CREB5: variants seen among roughly 807,000 people sequenced by gnomAD.
The protein encoded by CREB5 is cyclic AMP-responsive element-binding protein 5.
Under a neutral mutation model 57.1 loss-of-function variants are expected in CREB5, and 19 were observed. That is an observed-to-expected ratio of 0.33 (90% CI 0.23 to 0.49). The LOEUF is 0.49. CREB5 is among the 20% of genes least tolerant of loss of function. CREB5 has a pLI of 0.99. For missense variants in CREB5, 579 were observed against 671.6 expected (o/e 0.86, Z 1.52); for synonymous variants, 238 against 238.3 (o/e 1.00, Z 0.01).
At chr7:28,658,969 A>ATATATATATATATATATATG (rs1799471341) in intron 5 of CREB5, among the ~76,000 whole-genome samples, 1 of 140,650 alleles carries the variant, frequency 7.1e-6, no homozygotes, top group Non-Finnish European at 1.6e-5. Flanking sequence ...ATATATATAT[A>ATATATATATATATATATATG]TATATATATA....
chr7:28,320,455 G>T (rs573795752), intron 1 of CREB5, among the ~76,000 whole-genome samples: 3 of 152,190 alleles, frequency 2.0e-5, no homozygotes, highest in Non-Finnish European at 4.4e-5. Context: ...CATGGACCAC[G>T]TAGGAGCCTA....
At chr7:28,567,636 G>A (rs1346521460) in intron 4 of CREB5, among the ~76,000 whole-genome samples, 3 of 152,220 alleles carry the variant, frequency 2.0e-5, no homozygotes, top group African/African-American at 4.8e-5. Flanking sequence ...CATCACTTCG[G>A]TGAGTGTGGG....
At chr7:28,683,997 G>A (rs1800725030) in intron 5 of CREB5, among the ~76,000 whole-genome samples, 2 of 151,046 alleles carry the variant, frequency 1.3e-5, no homozygotes, top group Admixed American at 1.3e-4. Flanking sequence ...AAGTGGGGAG[G>A]GGAGATTTGG....
chr7:28,445,768 A>G (rs10244345), intron 1 of CREB5, among the ~76,000 whole-genome samples: 103,281 of 150,682 alleles, frequency 0.69, 36,047 homozygotes, highest in East Asian at 0.9. Context: ...AGCCAGGATG[A>G]TCTCGATCTT....
chr7:28,745,150 A>T (rs1281930961), intron 7 of CREB5, among the ~76,000 whole-genome samples: 1 of 152,188 alleles, frequency 6.6e-6, no homozygotes, highest in Non-Finnish European at 1.5e-5. Context: ...GCACTTCTGT[A>T]GAGGAAGGCA....
At chr7:28,526,052 C>A (rs1793435202) in intron 4 of CREB5, among the ~76,000 whole-genome samples, 1 of 152,208 alleles carries the variant, frequency 6.6e-6, no homozygotes, top group Non-Finnish European at 1.5e-5. Context: ...GGCAAATACT[C>A]TACACTCATA....
intron 1 of CREB5, among the ~76,000 whole-genome samples, chr7:28,455,700 G>C (rs894981457): frequency 6.6e-6 from 1 of 152,082 alleles, no homozygotes; most frequent in Non-Finnish European, 1.5e-5. Context: ...TTAAAGTAGT[G>C]GGGGGTGGGT....
intron 1 of CREB5, among the ~76,000 whole-genome samples, chr7:28,447,645 G>C (rs1423903616): frequency 6.6e-6 from 1 of 152,176 alleles, no homozygotes; most frequent in African/African-American, 2.4e-5. Context: ...GTGTGTGTAT[G>C]TGTGTATTGT....
At chr7:28,418,900 C>T (rs934234031) in intron 1 of CREB5, among the ~76,000 whole-genome samples, 2 of 152,144 alleles carry the variant, frequency 1.3e-5, no homozygotes, top group African/African-American at 4.8e-5. Context: ...ATTGCTTGTA[C>T]TATTGCGCTT....
At chr7:28,666,838 G>A (rs996447668) in intron 5 of CREB5, among the ~76,000 whole-genome samples, 3 of 151,766 alleles carry the variant, frequency 2.0e-5, no homozygotes, top group African/African-American at 7.3e-5. Flanking sequence ...AGGCTGAGGC[G>A]GGAGGATCAA....
chr7:28,481,206 G>T (rs1030664715), intron 1 of CREB5, among the ~76,000 whole-genome samples: 12 of 152,156 alleles, frequency 7.9e-5, no homozygotes, highest in Admixed American at 6.5e-4. Context: ...GGGAGCAGTG[G>T]GCCTCATTGG....
intron 5 of CREB5, among the ~76,000 whole-genome samples, chr7:28,579,026 C>G (rs532188913): frequency 6.6e-6 from 1 of 152,306 alleles, no homozygotes; most frequent in African/African-American, 2.4e-5. Context: ...AACATCATTG[C>G]TCTAGGGATA....
chr7:28,753,168 A>G (rs1164102732), intron 7 of CREB5, among the ~76,000 whole-genome samples: 1 of 152,166 alleles, frequency 6.6e-6, no homozygotes, highest in African/African-American at 2.4e-5. Flanking sequence ...CTGCAGTGCT[A>G]TTATAAAGTA....
intron 1 of CREB5, among the ~76,000 whole-genome samples, chr7:28,365,131 A>G (rs1183666664): frequency 1.3e-5 from 2 of 152,180 alleles, no homozygotes; most frequent in African/African-American, 4.8e-5. Flanking sequence ...CTCCTCTAGA[A>G]TAACAGTCTC....
chr7:28,618,146 G>T (rs1409181098), intron 5 of CREB5, among the ~76,000 whole-genome samples: 1 of 152,162 alleles, frequency 6.6e-6, no homozygotes, highest in South Asian at 2.1e-4. Flanking sequence ...AGCTAGGGGA[G>T]CTGGAGGGGA....
chr7:28,477,051 G>A (rs896818976), intron 1 of CREB5, among the ~76,000 whole-genome samples: 2 of 152,232 alleles, frequency 1.3e-5, no homozygotes, highest in Admixed American at 6.5e-5. Flanking sequence ...CATGGTAGGT[G>A]CTCAGTGACG....
intron 7 of CREB5, among the ~76,000 whole-genome samples, chr7:28,793,001 G>A (rs180711031): frequency 8.5e-5 from 13 of 152,246 alleles, no homozygotes; most frequent in Non-Finnish European, 1.9e-4. Flanking sequence ...TTGGCTATTG[G>A]TCCGATGACT....
intron 1 of CREB5, among the ~76,000 whole-genome samples, chr7:28,355,821 C>G (rs948828589): frequency 2.6e-5 from 4 of 152,212 alleles, no homozygotes; most frequent in Non-Finnish European, 5.9e-5. Context: ...AGAGGAGGCT[C>G]TCTCTGAGCT....
In CREB5 at chr7:28,595,389, T is replaced by G. The variant is rs1796659596; in HGVS notation, c.464+24852T>G. Among the ~76,000 whole-genome samples the G allele has an allele frequency of 5.9e-5, 9 of 152,170 alleles. No homozygotes were observed. In the South Asian group the frequency reaches 1.9e-3, roughly 32 times the overall value. On this transcript the variant is annotated intron_variant, in intron 5 of 10. Transcript: ENST00000357727. ...TCCATCGTTTTTATAGAGCTCCGCA[T>G]AGTGCCTGACATATAGTAGGTTCTT...
Sources: gnomAD v4.1 joint callset for allele counts (sites outside exome capture counted in the v4.1 genomes callset) on GRCh38, gnomAD v4.1.1 for gene constraint, MANE v1.5 for transcripts, NCBI Gene and HGNC (gene_info 2026-07-23, HGNC 2026-07-21) for gene names.